Variants in PTPRD observed in about 807,000 individuals in gnomAD.
PTPRD encodes the protein protein tyrosine phosphatase receptor type D.
A neutral mutation model predicts 214.5 loss-of-function variants in PTPRD; 34 were observed. That is an observed-to-expected ratio of 0.16 (90% CI 0.12 to 0.21). The LOEUF (loss-of-function observed/expected upper bound fraction) is 0.21, where lower values mean the gene tolerates loss of function less well. PTPRD is among the 10% of genes least tolerant of loss of function. The pLI, the probability that PTPRD is intolerant of heterozygous loss-of-function variation, is 1.00. For missense variants in PTPRD, 2,545 were observed against 2,398.7 expected (o/e 1.06, Z -1.27); for synonymous variants, 1,128 against 845.7 (o/e 1.33, Z -5.79).
intron 3 of PTPRD, among the ~76,000 whole-genome samples, chr9:10,145,555 A>T (rs941396068): frequency 1.3e-5 from 2 of 152,154 alleles, no homozygotes; most frequent in African/African-American, 4.8e-5. Flanking sequence ...GAACATACAA[A>T]ATATGAGTTA....
At chr9:8,929,016 G>A (rs2098925379) in intron 11 of PTPRD, among the ~76,000 whole-genome samples, 1 of 152,134 alleles carries the variant, frequency 6.6e-6, no homozygotes, top group Non-Finnish European at 1.5e-5. Context: ...AGGAATGCCT[G>A]TGATTTTTTG....
chr9:8,802,823 G>A (rs1221935215), intron 11 of PTPRD, among the ~76,000 whole-genome samples: 3 of 152,126 alleles, frequency 2.0e-5, no homozygotes, highest in African/African-American at 7.2e-5. Flanking sequence ...AGGCCAAGGT[G>A]GGAAGACAGC....
At chr9:10,523,618 T>TATATATATATATATATATATATATAG (rs2053197626) in intron 2 of PTPRD, among the ~76,000 whole-genome samples, 1 of 116,138 alleles carries the variant, frequency 8.6e-6, no homozygotes, top group Non-Finnish European at 1.9e-5. Flanking sequence ...TATATATATA[T>TATATATATATATATATATATATATAG]ATATAGACAG....
chr9:10,298,591 T>C (rs1333345041), intron 3 of PTPRD, among the ~76,000 whole-genome samples: 1 of 152,042 alleles, frequency 6.6e-6, no homozygotes, highest in Non-Finnish European at 1.5e-5. Flanking sequence ...TATCACACAA[T>C]AAATAAAATG....
At chr9:9,274,161 A>G (rs1196286231) in intron 9 of PTPRD, among the ~76,000 whole-genome samples, 2 of 150,460 alleles carry the variant, frequency 1.3e-5, no homozygotes, top group Admixed American at 6.6e-5. Context: ...CTCAAATCCT[A>G]CCTCTTCCAC....
intron 14 of PTPRD, among the ~76,000 whole-genome samples, chr9:8,539,930 C>A (rs182272735): frequency 6.6e-6 from 1 of 152,140 alleles, no homozygotes; most frequent in Admixed American, 6.6e-5. Context: ...AAAGTGAATG[C>A]GGATCTAAGA....
chr9:9,048,129 G>A lies in PTPRD; in HGVS notation c.-142-29394C>T, dbSNP rs74782452. On this transcript the variant is annotated intron_variant, in intron 10 of 45. Coordinates refer to ENST00000381196, the MANE Select transcript of PTPRD (RefSeq NM_002839.4). Reference sequence around the variant, plus strand: ...CTTCTCAGCCCTAGTTAGAAGGGCTGATATCCAAAAGACAGGCAATAACAA... The same window carrying A: ...CTTCTCAGCCCTAGTTAGAAGGGCTAATATCCAAAAGACAGGCAATAACAA... Among the ~76,000 whole-genome samples, 629 of 152,216 alleles carry A rather than the reference G, an allele frequency of 4.1e-3. 4 individuals carry two copies. Among genetic ancestry groups the A allele is most frequent in the East Asian group, 0.023 (119 of 5,176 alleles).
intron 11 of PTPRD, among the ~76,000 whole-genome samples, chr9:8,778,860 A>G (rs2095586383): frequency 6.6e-6 from 1 of 152,202 alleles, no homozygotes; most frequent in Non-Finnish European, 1.5e-5. Flanking sequence ...GATTCAGTGA[A>G]GTAACACATG....
At chr9:10,130,785 G>C (rs1382068901) in intron 3 of PTPRD, among the ~76,000 whole-genome samples, 1 of 152,132 alleles carries the variant, frequency 6.6e-6, no homozygotes. Context: ...ATAGTGTGCA[G>C]ATATGATCAT....
At chr9:9,962,937 A>T (rs555712063) in intron 4 of PTPRD, among the ~76,000 whole-genome samples, 12 of 152,092 alleles carry the variant, frequency 7.9e-5, no homozygotes, top group Non-Finnish European at 1.6e-4. Context: ...CTAGAAATAT[A>T]ATGGGAGTCT....
chr9:9,145,132 C>T (rs1253375009), intron 10 of PTPRD, among the ~76,000 whole-genome samples: 1 of 152,136 alleles, frequency 6.6e-6, no homozygotes, highest in African/African-American at 2.4e-5. Flanking sequence ...TACTGTTTTT[C>T]CTTAAGAATC....
chr9:8,498,330 C>T (rs935923062), intron 25 of PTPRD, among the ~76,000 whole-genome samples: 8 of 152,184 alleles, frequency 5.3e-5, no homozygotes, highest in African/African-American at 1.9e-4. Flanking sequence ...GGCTGGAGTG[C>T]AGTGGTGCGA....
intron 9 of PTPRD, among the ~76,000 whole-genome samples, chr9:9,292,342 T>C (rs1206385067): frequency 2.6e-5 from 4 of 151,450 alleles, no homozygotes; most frequent in Admixed American, 2.0e-4. Context: ...TTTGTCACTT[T>C]CCGCATGATG....
rs1378236946 is a variant in PTPRD, at chr9:10,278,687, G to A, written c.-545+62276C>T. Among the ~76,000 whole-genome samples the A allele has an allele frequency of 2.0e-5, 3 of 151,878 alleles. No individual in the cohort carries two copies. The East Asian group carries it at 5.8e-4, about 29-fold the overall frequency. On this transcript the variant is annotated intron_variant, in intron 3 of 45. Coordinates refer to ENST00000381196, the MANE Select transcript of PTPRD (RefSeq NM_002839.4). Reference sequence around the variant, plus strand: ...CATTAAACTTTACTACTGATTCGAAGATAATGATTTTTATGCCAATCCGTA... The same window carrying A: ...CATTAAACTTTACTACTGATTCGAAAATAATGATTTTTATGCCAATCCGTA...
At chr9:8,334,030 A>T (rs1452418025) in intron 43 of PTPRD, among the ~76,000 whole-genome samples, 1 of 152,124 alleles carries the variant, frequency 6.6e-6, no homozygotes, top group Non-Finnish European at 1.5e-5. Context: ...CCAGATTCAT[A>T]AAATAAAGCA....
chr9:9,126,618 T>A (rs140607772), intron 10 of PTPRD, among the ~76,000 whole-genome samples: 2 of 152,194 alleles, frequency 1.3e-5, no homozygotes, highest in African/African-American at 2.4e-5. Context: ...GAAAGATTAA[T>A]GAAAACAAGA....
intron 7 of PTPRD, among the ~76,000 whole-genome samples, chr9:9,591,155 GA>G (rs1168726424): frequency 1.5e-5 from 2 of 130,824 alleles, no homozygotes; most frequent in Non-Finnish European, 3.4e-5. Context: ...TCCTTAAAAC[GA>G]AGAGAATTCT....
At chr9:9,407,030 A>T (rs1317249728) in intron 8 of PTPRD, among the ~76,000 whole-genome samples, 1 of 151,814 alleles carries the variant, frequency 6.6e-6, no homozygotes, top group East Asian at 1.9e-4. Context: ...TTTTCTCATA[A>T]GTAAATAGGA....
chr9:9,081,527 C>T (rs912359937), intron 10 of PTPRD, among the ~76,000 whole-genome samples: 4 of 151,986 alleles, frequency 2.6e-5, no homozygotes, highest in South Asian at 4.2e-4. Flanking sequence ...CTTCCAGAGC[C>T]GAGTACAAGT....
Sources: allele counts gnomAD v4.1 joint callset (sites outside exome capture counted in the v4.1 genomes callset), GRCh38; gene constraint gnomAD v4.1.1; transcripts MANE v1.5; gene names NCBI Gene and HGNC (gene_info 2026-07-23, HGNC 2026-07-21).